The following NETO1 variants were observed in gnomAD, a reference collection of about 807,000 sequenced individuals.
NETO1 encodes neuropilin and tolloid-like protein 1.
NETO1 carries 26 observed loss-of-function variants against 61.3 expected under a neutral mutation model. The ratio of observed to expected loss-of-function variants is 0.42; its 90% CI spans 0.31 to 0.59. The LOEUF is 0.59. Among genes scored for constraint, NETO1 ranks in the 20% least tolerant of loss-of-function variants. The pLI is 0.12. For synonymous variants in NETO1, 225 were observed against 225.8 expected (o/e 1.00, Z 0.03); for missense variants, 531 against 662.8 (o/e 0.80, Z 2.18).
intron 6 of NETO1, among the ~76,000 whole-genome samples, chr18:72,790,726 A>T (rs1432430626): frequency 6.6e-6 from 1 of 152,116 alleles, no homozygotes; most frequent in African/African-American, 2.4e-5. Flanking sequence ...TTACTCCTGA[A>T]GATTAAGTCT....
At chr18:72,762,819 T>TGTGC (rs2071022498) in intron 7 of NETO1, among the ~76,000 whole-genome samples, 1 of 152,168 alleles carries the variant, frequency 6.6e-6, no homozygotes, top group African/African-American at 2.4e-5. Flanking sequence ...CTCCTAAACC[T>TGTGC]ATACATTACT....
At chr18:72,843,191 C>T (rs931144589) in intron 4 of NETO1, among the ~76,000 whole-genome samples, 5 of 152,058 alleles carry the variant, frequency 3.3e-5, no homozygotes, top group South Asian at 2.1e-4. Flanking sequence ...GTTCTTATGC[C>T]GATCACTTAA....
chr18:72,856,332 A>G (rs1226814392), intron 4 of NETO1, among the ~76,000 whole-genome samples: 1 of 152,198 alleles, frequency 6.6e-6, no homozygotes, highest in Non-Finnish European at 1.5e-5. Context: ...GACTAAAAAA[A>G]GTGACGTAGT....
intron 4 of NETO1, among the ~76,000 whole-genome samples, chr18:72,843,657 A>G (rs2074001455): frequency 6.6e-6 from 1 of 152,318 alleles, no homozygotes; most frequent in Admixed American, 6.5e-5. Context: ...AGCCTCAGGA[A>G]AGTAGCTACC....
At chr18:72,768,301 A>G (rs978646336) in intron 7 of NETO1, among the ~76,000 whole-genome samples, 4 of 152,176 alleles carry the variant, frequency 2.6e-5, no homozygotes, top group Non-Finnish European at 5.9e-5. Flanking sequence ...ATATAAAAGA[A>G]CACTTATTCA....
At chr18:72,821,827 AC>A (rs2073209950) in intron 4 of NETO1, among the ~76,000 whole-genome samples, 1 of 152,160 alleles carries the variant, frequency 6.6e-6, no homozygotes, top group Non-Finnish European at 1.5e-5. Flanking sequence ...CCATAATCTG[AC>A]CTATTAAAAT....
At chr18:72,801,855 G>A (rs1459549990) in intron 4 of NETO1, among the ~76,000 whole-genome samples, 2 of 151,874 alleles carry the variant, frequency 1.3e-5, no homozygotes, top group Admixed American at 6.6e-5. Flanking sequence ...TTTTTCTTAT[G>A]GTGAAGGATG....
chr18:72,827,091 T>TTTC (rs10700467), intron 4 of NETO1, among the ~76,000 whole-genome samples: 16 of 7,042 alleles, frequency 2.3e-3, no homozygotes, highest in African/African-American at 9.9e-3. Context: ...CAATGCTTTC[T>TTTC]TTTTTTTTTT....
chr18:72,766,217 A>AAAT (rs1555683026), intron 7 of NETO1, among the ~76,000 whole-genome samples: 1 of 74,450 alleles, frequency 1.3e-5, no homozygotes, highest in Non-Finnish European at 2.8e-5. Context: ...GAAAAAAAAA[A>AAAT]ATATGTGTGT....
chr18:72,793,495 G>A (rs1431248268), intron 6 of NETO1, among the ~76,000 whole-genome samples: 3 of 152,058 alleles, frequency 2.0e-5, no homozygotes, highest in African/African-American at 7.2e-5. Context: ...ACTCTCAAAA[G>A]TCAGGGTGAT....
At chr18:72,772,823 C>CTATA (rs2071414773) in intron 7 of NETO1, among the ~76,000 whole-genome samples, 6 of 38,858 alleles carry the variant, frequency 1.5e-4, no homozygotes, top group Non-Finnish European at 2.7e-4. Flanking sequence ...CTCTCTCTCT[C>CTATA]TCTATATATA....
At position 72,750,636 on chromosome 18, in the gene NETO1, A is replaced by T; in HGVS notation, c.983-16T>A. On this transcript the variant is annotated splice_polypyrimidine_tract_variant and intron_variant, in intron 8 of 10. Transcript: ENST00000327305. ...TTCCTCTTCTCTATAGGTTGGAGAG[A>T]GTGAAAACAACAAACGGACAAAAGA... The T allele has an allele frequency of 6.4e-7, 1 of 1,561,386 alleles. No individual in the cohort carries two copies. The highest frequency in any genetic ancestry group is 1.8e-5 in the Admixed American group (1 of 56,132).
At chr18:72,786,228 T>G (rs1020052734) in intron 6 of NETO1, among the ~76,000 whole-genome samples, 2 of 152,182 alleles carry the variant, frequency 1.3e-5, no homozygotes, top group Non-Finnish European at 1.5e-5. Context: ...CAGTGGAAAT[T>G]ATATGCAATA....
intron 7 of NETO1, among the ~76,000 whole-genome samples, chr18:72,779,858 G>C (rs2071678608): frequency 6.6e-6 from 1 of 152,174 alleles, no homozygotes; most frequent in Non-Finnish European, 1.5e-5. Context: ...GGTTCTGGAT[G>C]TTAGGAAGTC....
chr18:72,832,492 A>T lies in NETO1; in HGVS notation c.469+26334T>A, dbSNP rs80339551. 1.7e-4 allele frequency among the ~76,000 whole-genome samples: 26 copies of T among 152,356 alleles called. No homozygotes were observed. The East Asian group carries it at 5.0e-3, about 29-fold the overall frequency. On this transcript the variant is annotated intron_variant, in intron 4 of 10. Coordinates refer to ENST00000327305, the MANE Select transcript of NETO1 (RefSeq NM_138966.5). ...AACCACTTCTAAATAATACTTCAAAAGAATTAAAAAATAGCCAAGTAGTCC... is the reference window on the plus strand; with the variant it reads ...AACCACTTCTAAATAATACTTCAAATGAATTAAAAAATAGCCAAGTAGTCC...
In NETO1 at chr18:72,783,732, C is replaced by T. The variant is rs756386481; in HGVS notation, c.814G>A (p.Asp272Asn). ...TGLGVIRMWA[D>N]EGSRNSRFQM... is the part of the protein sequence containing the mutation. The stretch of plus-strand genomic sequence containing the variant: ...AATCGGCTGTTTCGACTGCCCTCAT[C>T]TGCCCACATGCGGATCACCCCAAGA... Residue 272 changes from aspartate (D) to asparagine (N), a missense_variant, in exon 7 of 11, where the codon GAT (aspartate) becomes AAT (asparagine). Asp to Asn is a conservative substitution (Grantham distance 23). Coordinates refer to ENST00000327305, the MANE Select transcript of NETO1 (RefSeq NM_138966.5). 6.2e-7 allele frequency: 1 copy of T among 1,614,180 alleles called. No individual in the cohort carries two copies. Among genetic ancestry groups the T allele is most frequent in the Non-Finnish European group, 8.5e-7 (1 of 1,180,030 alleles).
At chr18:72,760,212 T>C (rs2070925364) in intron 7 of NETO1, among the ~76,000 whole-genome samples, 1 of 152,222 alleles carries the variant, frequency 6.6e-6, no homozygotes, top group Admixed American at 6.5e-5. Flanking sequence ...GCCAAAATAA[T>C]GTCCTGTGTA....
intron 7 of NETO1, among the ~76,000 whole-genome samples, chr18:72,777,056 C>T (rs1188006148): frequency 1.3e-5 from 2 of 152,152 alleles, no homozygotes; most frequent in Non-Finnish European, 2.9e-5. Flanking sequence ...CAGTCATGCC[C>T]AGTCCAACAG....
At chr18:72,802,175 T>A (rs903290459) in intron 4 of NETO1, among the ~76,000 whole-genome samples, 29 of 126,974 alleles carry the variant, frequency 2.3e-4, no homozygotes, top group African/African-American at 6.8e-4. Flanking sequence ...AAAAAAACAG[T>A]ATATTTTTAA....
Sources: allele counts gnomAD v4.1 joint callset (sites outside exome capture counted in the v4.1 genomes callset), GRCh38; gene constraint gnomAD v4.1.1; transcripts MANE v1.5; gene names NCBI Gene and HGNC (gene_info 2026-07-23, HGNC 2026-07-21).